NARF: variants seen among roughly 807,000 people sequenced by gnomAD.
NARF encodes the protein nuclear prelamin A recognition factor.
In NARF, 41 loss-of-function variants were observed where a neutral mutation model predicts 48.0. That is an observed-to-expected ratio of 0.85 (90% CI 0.66 to 1.11). The LOEUF is 1.11. NARF is among the 50% of genes least tolerant of loss of function. The probability of loss-of-function intolerance (pLI) is 0.00; values close to 1 mark genes in which losing one functional copy is unlikely to be tolerated. For synonymous variants in NARF, 215 were observed against 225.5 expected, an observed-to-expected ratio of 0.95 and a Z score of 0.42; for missense variants, 613 against 590.2, an observed-to-expected ratio of 1.04 and a Z score of -0.40.
chr17:82,474,709 G>A (rs1474956835), intron 5 of NARF, among the ~76,000 whole-genome samples: 8 of 152,182 alleles, frequency 5.3e-5, no homozygotes, highest in Admixed American at 4.6e-4. Flanking sequence ...TTGACATCGT[G>A]GTTGCTTAGA....
chr17:82,490,141 T>A lies in NARF; in HGVS notation c.*1984T>A, dbSNP rs901371. 73,819 of 151,972 alleles carry A rather than the reference T, an allele frequency of 0.49. 19,988 individuals carry two copies. The highest frequency in any genetic ancestry group is 0.91 in the East Asian group (4,669 of 5,138). The allele number at this position is 151,972 out of a possible 1,614,324, so 9.4% of individuals were successfully genotyped here. Reference sequence around the variant, plus strand: ...CTGCACCTGGCAAAAAATTTTTTTTTAAAAAGGAGAAAGCAGTTTAACCAC... The same window carrying A: ...CTGCACCTGGCAAAAAATTTTTTTTAAAAAAGGAGAAAGCAGTTTAACCAC... On this transcript the variant is annotated 3_prime_UTR_variant, in exon 11 of 11. Transcript: ENST00000309794.
chr17:82,464,524 C>A, intron 3 of NARF, 94 bp downstream of exon 3: 1 of 1,429,262 alleles, frequency 7.0e-7, no homozygotes, highest in Admixed American at 2.4e-5. Context: ...TCTGCTGGGA[C>A]ATCGGATGCA....
At chr17:82,460,975 T>G (rs1472691465) in intron 2 of NARF, 1 of 152,194 alleles carries the variant, frequency 6.6e-6, no homozygotes, top group Non-Finnish European at 1.5e-5. Flanking sequence ...GTGCAGTGGC[T>G]CACTGTATGG....
chr17:82,458,579 G>A (rs1429715801), upstream of NARF: 10 of 516,864 alleles, frequency 1.9e-5, no homozygotes, highest in Admixed American at 3.5e-4. Context: ...GCCCCTTCCC[G>A]ACACTGTCAT....
chr17:82,483,462 G>A, intron 7 of NARF: 1 of 465,576 alleles, frequency 2.1e-6, no homozygotes, highest in Non-Finnish European at 3.9e-6. Flanking sequence ...TGGAGAGATT[G>A]TTTACATAAA....
intron 10 of NARF, among the ~76,000 whole-genome samples, chr17:82,486,890 A>G (rs887425892): frequency 2.6e-5 from 4 of 152,218 alleles, no homozygotes; most frequent in Admixed American, 6.5e-5. Flanking sequence ...AGTAAGTAGC[A>G]TTAATAGATA....
intron 8 of NARF, chr17:82,484,070 G>T (rs375230634): frequency 5.5e-6 from 2 of 366,122 alleles, no homozygotes; most frequent in Non-Finnish European, 1.0e-5. Context: ...CCTCGCTGGC[G>T]CAGGGCTGTT....
At chr17:82,468,921 G>A (rs1355179479) in intron 4 of NARF, 25 bp downstream of exon 4, 3 of 1,612,166 alleles carry the variant, frequency 1.9e-6, no homozygotes, top group East Asian at 2.2e-5. Context: ...GATAAATTGG[G>A]AATGTATAAC....
chr17:82,474,177 T>C (rs2043780784), intron 5 of NARF, among the ~76,000 whole-genome samples: 1 of 152,176 alleles, frequency 6.6e-6, no homozygotes, highest in Non-Finnish European at 1.5e-5. Context: ...TGAGGTCCTG[T>C]CTCTTAAGAA....
intron 5 of NARF, among the ~76,000 whole-genome samples, chr17:82,473,586 C>T (rs933391964): frequency 6.8e-6 from 1 of 147,764 alleles, no homozygotes; most frequent in African/African-American, 2.5e-5. Flanking sequence ...CTCCTGACCT[C>T]GTGATCTGCC....
At chr17:82,478,431 T>G in intron 5 of NARF, 2 of 372,074 alleles carry the variant, frequency 5.4e-6, no homozygotes, top group Non-Finnish European at 1.1e-5. Context: ...GTGTCCTGGC[T>G]GTAAGGACGC....
rs1313727481 is a variant in NARF, at chr17:82,472,496, A to AG, written c.386-68_386-67insG. On this transcript the variant is annotated intron_variant, in intron 4 of 10. Coordinates refer to ENST00000309794, the MANE Select transcript of NARF (RefSeq NM_012336.4). ...GAGACTCCGTCTCAAAAAAAAAAAA[A>AG]AAGAGGAAGCCTAAAAGTAGATCTT... 2.0e-6 allele frequency: 3 copies of AG among 1,498,208 alleles called. No individual in the cohort carries two copies. The East Asian group carries it at 7.4e-5, about 37-fold the overall frequency. 92.8% of individuals were successfully genotyped at this position (1,498,208 alleles called of 1,614,324 possible).
At chr17:82,486,032 A>T (rs543723384) in intron 10 of NARF, among the ~76,000 whole-genome samples, 11 of 152,068 alleles carry the variant, frequency 7.2e-5, no homozygotes, top group Admixed American at 2.0e-4. Context: ...CTCTGTCCTG[A>T]GTGATGGGAG....
intron 7 of NARF, among the ~76,000 whole-genome samples, 159 bp downstream of exon 7, chr17:82,481,370 C>G (rs2043961361): frequency 6.6e-6 from 1 of 152,146 alleles, no homozygotes. Context: ...AGGGGCTTAA[C>G]TGCAGGTGAA....
chr17:82,488,326 C>A lies in NARF; in HGVS notation c.*169C>A. On this transcript the variant is annotated 3_prime_UTR_variant, in exon 11 of 11. Coordinates refer to ENST00000309794, the MANE Select transcript of NARF (RefSeq NM_012336.4). ...CCCCGTTTATTGGAGGCCCCTCAGGCAGTTTCATGTGGTGCTATCTTCATA... is the reference window on the plus strand; with the variant it reads ...CCCCGTTTATTGGAGGCCCCTCAGGAAGTTTCATGTGGTGCTATCTTCATA... 1.9e-6 allele frequency: 2 copies of A among 1,055,158 alleles called. No individual in the cohort carries two copies. The highest frequency in any genetic ancestry group is 2.6e-6 in the Non-Finnish European group (2 of 755,318). 65.4% of individuals were successfully genotyped at this position (1,055,158 alleles called of 1,614,324 possible). A position where few individuals can be genotyped will look rare whatever the true frequency, so the allele number is the denominator to read the frequency against.
At chr17:82,486,645 G>C (rs1048450649) in intron 10 of NARF, among the ~76,000 whole-genome samples, 4 of 152,170 alleles carry the variant, frequency 2.6e-5, no homozygotes, top group Non-Finnish European at 5.9e-5. Flanking sequence ...GAGCAGCCGG[G>C]AGGTGGGCCG....
chr17:82,479,032 G>A, intron 6 of NARF, 114 bp downstream of exon 6: 5 of 906,090 alleles, frequency 5.5e-6, no homozygotes, highest in Non-Finnish European at 8.2e-6. Flanking sequence ...CCCCAGGTGA[G>A]CAAAAAGGAA....
intron 6 of NARF, 71 bp from the exon 7 acceptor site, chr17:82,481,011 G>T: frequency 2.5e-6 from 4 of 1,593,404 alleles, no homozygotes; most frequent in Non-Finnish European, 3.4e-6. Flanking sequence ...CATCCCTCTT[G>T]TTCTGGGCAC....
At chr17:82,475,735 CAG>C (rs1195602770) in intron 5 of NARF, among the ~76,000 whole-genome samples, 1 of 152,188 alleles carries the variant, frequency 6.6e-6, no homozygotes, top group African/African-American at 2.4e-5. Flanking sequence ...AGAGACCTCT[CAG>C]GGCCCCTACC....
Sources: allele counts gnomAD v4.1 joint callset (sites outside exome capture counted in the v4.1 genomes callset), GRCh38; gene constraint gnomAD v4.1.1; transcripts MANE v1.5; gene names NCBI Gene and HGNC (gene_info 2026-07-23, HGNC 2026-07-21).